Variants in PTPRK observed in about 807,000 individuals in gnomAD.
PTPRK encodes protein tyrosine phosphatase receptor type K.
In PTPRK, 75 loss-of-function variants were observed where a neutral mutation model predicts 178.0. The observed-to-expected ratio is 0.42, with a 90% CI of 0.35 to 0.51. PTPRK has a LOEUF of 0.51. Ranked by LOEUF, PTPRK falls within the 20% of genes least tolerant of loss-of-function variation. The pLI is 0.02. For missense variants in PTPRK, 1,441 were observed against 1,797.8 expected (o/e 0.80, Z 3.59); for synonymous variants, 637 against 620.6 (o/e 1.03, Z -0.39).
intron 1 of PTPRK, among the ~76,000 whole-genome samples, chr6:128,418,412 A>G (rs1034056482): frequency 1.3e-5 from 2 of 152,188 alleles, no homozygotes; most frequent in Admixed American, 6.5e-5. Context: ...CTGAATGAGC[A>G]TACTGCCTGA....
At chr6:128,036,547 C>G (rs1460908162) in intron 13 of PTPRK, among the ~76,000 whole-genome samples, 1 of 152,170 alleles carries the variant, frequency 6.6e-6, no homozygotes, top group Non-Finnish European at 1.5e-5. Flanking sequence ...ATACACATAT[C>G]TTACTCATAT....
intron 10 of PTPRK, among the ~76,000 whole-genome samples, chr6:128,080,094 T>C (rs1227572722): frequency 6.6e-6 from 1 of 151,732 alleles, no homozygotes; most frequent in Non-Finnish European, 1.5e-5. Flanking sequence ...TGTCTAATGA[T>C]GTTTAAGCCA....
chr6:128,241,450 C>A (rs1263022320), intron 4 of PTPRK, among the ~76,000 whole-genome samples: 6 of 152,190 alleles, frequency 3.9e-5, no homozygotes, highest in Admixed American at 3.9e-4. Flanking sequence ...AGTTTGACAA[C>A]CACTCAGCAG....
intron 15 of PTPRK, among the ~76,000 whole-genome samples, chr6:128,004,382 T>C (rs1466246404): frequency 6.6e-6 from 1 of 151,828 alleles, no homozygotes; most frequent in Non-Finnish European, 1.5e-5. Flanking sequence ...AACAGTAATA[T>C]TGATTCTGGG....
At chr6:128,182,175 G>C (rs1802018748) in intron 7 of PTPRK, among the ~76,000 whole-genome samples, 1 of 152,232 alleles carries the variant, frequency 6.6e-6, no homozygotes, top group South Asian at 2.1e-4. Flanking sequence ...GATTGAGCCT[G>C]AAAGCATTTT....
chr6:128,252,655 C>T (rs769961917), intron 3 of PTPRK, among the ~76,000 whole-genome samples: 34 of 152,068 alleles, frequency 2.2e-4, no homozygotes, highest in Non-Finnish European at 4.9e-4. Context: ...GACATAGACC[C>T]TCAAGGTAAG....
intron 7 of PTPRK, among the ~76,000 whole-genome samples, chr6:128,158,095 T>A (rs559080848): frequency 5.7e-4 from 87 of 152,072 alleles, no homozygotes; most frequent in Non-Finnish European, 1.1e-3. Flanking sequence ...CTTTAATCCA[T>A]CTTGAATTAA....
intron 1 of PTPRK, among the ~76,000 whole-genome samples, chr6:128,416,702 C>T (rs1450577073): frequency 2.7e-5 from 4 of 150,108 alleles, no homozygotes; most frequent in East Asian, 2.0e-4. Context: ...TAACAACTGG[C>T]TTTTATTCCA....
chr6:128,486,841 A>AAGG lies in PTPRK; in HGVS notation c.100+33417_100+33418insCCT, dbSNP rs1380711469. 1.4e-3 allele frequency among the ~76,000 whole-genome samples: 213 copies of AAGG among 149,684 alleles called. 1 individual carries two copies. Among genetic ancestry groups the AAGG allele is most frequent in the Non-Finnish European group, 2.5e-3 (170 of 67,690 alleles). On this transcript the variant is annotated intron_variant, in intron 1 of 29. Coordinates refer to ENST00000368226, the MANE Select transcript of PTPRK (RefSeq NM_002844.4). Reference sequence around the variant, plus strand: ...GGAAAGAAGGAAGGAAGGAAGGAAGAAAGGAAAAAAATAAAAAGGGAGGGA... The same window carrying AAGG: ...GGAAAGAAGGAAGGAAGGAAGGAAGAAGGAAGGAAAAAAATAAAAAGGGAGGGA...
At chr6:128,109,505 A>G (rs983709858) in intron 7 of PTPRK, among the ~76,000 whole-genome samples, 1 of 152,188 alleles carries the variant, frequency 6.6e-6, no homozygotes, top group African/African-American at 2.4e-5. Context: ...TAATGAACAT[A>G]AGCTAGCTCC....
chr6:128,114,622 C>CAA (rs370997908), intron 7 of PTPRK, among the ~76,000 whole-genome samples: 2 of 59,038 alleles, frequency 3.4e-5, no homozygotes, highest in African/African-American at 5.9e-5. Context: ...GACTCAGTCT[C>CAA]AAAAAAAAAA....
At chr6:128,380,167 TA>T (rs973813381) in intron 2 of PTPRK, among the ~76,000 whole-genome samples, 2 of 152,046 alleles carry the variant, frequency 1.3e-5, no homozygotes, top group African/African-American at 4.8e-5. Context: ...AGAAAAAACC[TA>T]CAGATATTAG....
intron 13 of PTPRK, among the ~76,000 whole-genome samples, chr6:128,064,457 T>C (rs1781400939): frequency 6.6e-6 from 1 of 152,232 alleles, no homozygotes; most frequent in East Asian, 1.9e-4. Context: ...TCATCTGCTA[T>C]TGCTGACGCT....
intron 13 of PTPRK, among the ~76,000 whole-genome samples, chr6:128,042,494 C>T (rs1030147818): frequency 1.3e-5 from 2 of 151,910 alleles, no homozygotes; most frequent in Non-Finnish European, 2.9e-5. Flanking sequence ...GGCTCATGGC[C>T]CCAGTCTTCT....
intron 1 of PTPRK, among the ~76,000 whole-genome samples, chr6:128,483,572 G>A (rs774913508): frequency 3.3e-5 from 5 of 152,072 alleles, no homozygotes; most frequent in Non-Finnish European, 5.9e-5. Flanking sequence ...AGGTGAACAA[G>A]GGAAGGTCCA....
chr6:128,355,033 G>C (rs766340626), intron 2 of PTPRK, among the ~76,000 whole-genome samples: 1 of 152,174 alleles, frequency 6.6e-6, no homozygotes. Context: ...CTTTACTGGA[G>C]AGTTACAATT....
At chr6:128,006,180 T>C (rs1305879679) in intron 14 of PTPRK, 3 of 698,256 alleles carry the variant, frequency 4.3e-6, no homozygotes, top group Non-Finnish European at 6.4e-6. Context: ...ATAAAATTCA[T>C]GTTTTTTTTG....
chr6:128,261,200 A>G (rs529145703), intron 3 of PTPRK, among the ~76,000 whole-genome samples: 3 of 152,308 alleles, frequency 2.0e-5, no homozygotes, highest in South Asian at 4.1e-4. Flanking sequence ...TTGTTCAAAC[A>G]TATTAGATGA....
intron 1 of PTPRK, among the ~76,000 whole-genome samples, chr6:128,472,347 T>C (rs1410088614): frequency 6.6e-6 from 1 of 151,994 alleles, no homozygotes. Flanking sequence ...TGTGTGCACA[T>C]GTGTGTTGCT....
Sources: allele counts gnomAD v4.1 joint callset (sites outside exome capture counted in the v4.1 genomes callset), GRCh38; gene constraint gnomAD v4.1.1; transcripts MANE v1.5; gene names NCBI Gene and HGNC (gene_info 2026-07-23, HGNC 2026-07-21).